Variants in LCTL observed in about 807,000 individuals in gnomAD.
The protein encoded by LCTL is lactase-like protein.
In LCTL, 76 loss-of-function variants were observed where a neutral mutation model predicts 75.8. That is an observed-to-expected ratio of 1.00 (90% confidence interval 0.83 to 1.21). The LOEUF (loss-of-function observed/expected upper bound fraction) is 1.21, where lower values mean the gene tolerates loss of function less well. LCTL is among the 50% of genes most tolerant of loss of function. The probability of loss-of-function intolerance (pLI) is 0.00; values close to 1 mark genes in which losing one functional copy is unlikely to be tolerated. For synonymous variants in LCTL, 271 were observed against 268.8 expected (o/e 1.01, Z -0.08); for missense variants, 670 against 712.4 (o/e 0.94, Z 0.68).
chr15:66,564,693 C>G lies in LCTL; in HGVS notation c.265G>C (p.Gly89Arg), dbSNP rs369052407. ...GCACTCACCTGGACCTTGTAGTAGC[C>G]GTCACAGGCTACATCTGCCGTCTCA... The change falls in exon 2 of 13, where the codon GGC (glycine) becomes CGC (arginine). Residue 89 changes from glycine (G) to arginine (R), a missense_variant. Coordinates refer to ENST00000341509, the Ensembl canonical transcript of LCTL. 5 of 1,612,682 alleles carry G rather than the reference C, an allele frequency of 3.1e-6. No individual in the cohort carries two copies. The South Asian group carries it at 5.5e-5, about 18-fold the overall frequency.
At chr15:66,559,051 A>G (rs541831744) in intron 6 of LCTL, among the ~76,000 whole-genome samples, 20 of 149,870 alleles carry the variant, frequency 1.3e-4, no homozygotes, top group Admixed American at 5.3e-4. Context: ...TTTTCTTGAG[A>G]TGGGGTCTTG....
At chr15:66,548,892 C>T (rs911418165) in intron 12 of LCTL, 1 of 181,240 alleles carries the variant, frequency 5.5e-6, no homozygotes, top group Non-Finnish European at 1.2e-5. Context: ...TTTCTAAATT[C>T]ATCTCAGAAT....
intron 6 of LCTL, among the ~76,000 whole-genome samples, chr15:66,558,533 C>G (rs1255433845): frequency 2.0e-5 from 3 of 152,120 alleles, no homozygotes; most frequent in African/African-American, 7.2e-5. Flanking sequence ...TAATCTAGAA[C>G]AGTGATTATC....
In LCTL at chr15:66,561,101, C is replaced by T. The variant is rs761625664; in HGVS notation, c.610G>A (p.Ala204Thr). The change falls in exon 6 of 13, where the codon GCA becomes ACA. Residue 204 changes from alanine to threonine, a missense_variant and splice_region_variant. Transcript: ENST00000341509. ...GTCTCATAGCCTTTTTCTGCCATTG[C>T]CTATAGGGACAGCAAGCAGGACCAC... is the stretch of plus-strand genomic sequence containing the variant. 3 of 1,614,042 alleles carry T rather than the reference C, an allele frequency of 1.9e-6. No homozygotes were observed. In the Admixed American group the frequency reaches 5.0e-5, roughly 27 times the overall value.
At chr15:66,556,416 T>C (rs577631801) in intron 8 of LCTL, among the ~76,000 whole-genome samples, 3 of 152,314 alleles carry the variant, frequency 2.0e-5, no homozygotes, top group African/African-American at 7.2e-5. Context: ...GTGATTCTCC[T>C]GCCTCAGCCT....
At chr15:66,548,568 G>T in exon 13 of LCTL, 1 of 1,612,770 alleles carries the variant, frequency 6.2e-7, no homozygotes. Context: ...TGGGTACCAC[G>T]ATCTCCGTAA....
intron 3 of LCTL, 41 bp from the exon 5 acceptor site, chr15:66,563,666 C>CGGCCTT (rs1053605153): frequency 6.9e-5 from 101 of 1,464,312 alleles, no homozygotes; most frequent in Non-Finnish European, 8.7e-5. Context: ...GAAAGGACCT[C>CGGCCTT]GGCCTTGGCC....
At position 66,563,940 on chromosome 15, in the gene LCTL, C is replaced by T. The variant is rs1349843522; in HGVS notation, c.341G>A (p.Trp114Ter). The stretch of plus-strand genomic sequence containing the variant: ...GATGCCTGTGGGCAGGAGCCGGGGC[C>T]AAGACAGGGAGAATCGGTAGTGGTT... Residue 114 changes from tryptophan (W) to a stop codon, truncating the protein, a stop_gained, in exon 3 of 13, where the codon TGG (tryptophan) becomes TAG (stop). Transcript: ENST00000341509. LOFTEE classifies it high-confidence loss of function. 1.2e-6 allele frequency: 2 copies of T among 1,614,140 alleles called. No homozygotes were observed. The highest frequency in any genetic ancestry group is 8.5e-7 in the Non-Finnish European group (1 of 1,180,028).
intron 6 of LCTL, among the ~76,000 whole-genome samples, chr15:66,559,677 C>T (rs1394068859): frequency 6.6e-6 from 1 of 152,100 alleles, no homozygotes; most frequent in Admixed American, 6.5e-5. Context: ...CACTGCACTC[C>T]AGCCTGGGCG....
At chr15:66,557,518 A>G (rs1020878345) in intron 8 of LCTL, among the ~76,000 whole-genome samples, 3 of 152,030 alleles carry the variant, frequency 2.0e-5, no homozygotes, top group African/African-American at 7.3e-5. Flanking sequence ...AAAATTCTCA[A>G]TTTCCAAGTC....
intron 12 of LCTL, 58 bp downstream of exon 13, chr15:66,549,983 A>G: frequency 2.6e-6 from 3 of 1,138,404 alleles, no homozygotes; most frequent in Non-Finnish European, 3.7e-6. Context: ...TTTGAAAATG[A>G]TATGTATAAT....
chr15:66,564,001 G>C lies in LCTL; in HGVS notation c.283-3C>G. 2 of 1,609,392 alleles carry C rather than the reference G, an allele frequency of 1.2e-6. No homozygotes were observed. Among genetic ancestry groups the C allele is most frequent in the South Asian group, 1.1e-5 (1 of 91,002 alleles). The stretch of plus-strand genomic sequence containing the variant: ...TCCCTCAGCAGAATGATGTCCTCCT[G>C]TGCAGACAGGGGTGGGGAGACAGGT... On this transcript the variant is annotated splice_polypyrimidine_tract_variant and splice_region_variant and intron_variant, in intron 2 of 12. Coordinates refer to ENST00000341509, the Ensembl canonical transcript of LCTL.
intron 8 of LCTL, among the ~76,000 whole-genome samples, chr15:66,553,587 C>T (rs56026648): frequency 6.6e-6 from 1 of 151,252 alleles, no homozygotes; most frequent in East Asian, 2.0e-4. Flanking sequence ...AACCCCATCT[C>T]TACTAAAAAT....
At chr15:66,555,294 AT>A (rs1229775113) in intron 8 of LCTL, among the ~76,000 whole-genome samples, 1 of 151,330 alleles carries the variant, frequency 6.6e-6, no homozygotes, top group African/African-American at 2.5e-5. Context: ...TTTAATTTTA[AT>A]TTTAAATTTT....
At chr15:66,564,317 C>A (rs111755554) in intron 2 of LCTL, 1 of 485,558 alleles carries the variant, frequency 2.1e-6, no homozygotes, top group Non-Finnish European at 3.7e-6. Flanking sequence ...GGTCCCACTC[C>A]CTCCACAGGG....
chr15:66,560,416 C>T (rs1222705315), intron 6 of LCTL, among the ~76,000 whole-genome samples: 1 of 152,082 alleles, frequency 6.6e-6, no homozygotes, highest in Non-Finnish European at 1.5e-5. Context: ...TCCGAATGGC[C>T]CCTTTACTCT....
At chr15:66,565,120 AAC>A in intron 1 of LCTL, 126 bp downstream of exon 2, 1 of 750,416 alleles carries the variant, frequency 1.3e-6, no homozygotes, top group Non-Finnish European at 2.4e-6. Context: ...CTTTTAGAAC[AAC>A]CACACAAAGG....
chr15:66,565,528 G>A, upstream of LCTL: 1 of 574,820 alleles, frequency 1.7e-6, no homozygotes, highest in Non-Finnish European at 3.1e-6. Context: ...GAGGCTGGAT[G>A]TCTGATGCTG....
chr15:66,564,769 A>G, exon 2 of LCTL: 1 of 1,613,702 alleles, frequency 6.2e-7, no homozygotes, highest in South Asian at 1.1e-5. Flanking sequence ...CCCAGATGCT[A>G]GGCCCTTTCC....
Sources: gnomAD v4.1 joint callset for allele counts (sites outside exome capture counted in the v4.1 genomes callset) on GRCh38, gnomAD v4.1.1 for gene constraint, MANE v1.5 for transcripts, NCBI Gene and HGNC (gene_info 2026-07-23, HGNC 2026-07-21) for gene names.